PHAF1: variants seen among roughly 807,000 people sequenced by gnomAD.
PHAF1 encodes phagophore assembly factor 1, also known as phagosome assembly factor 1.
PHAF1 carries 23 observed loss-of-function variants against 63.1 expected under a neutral mutation model. That is an observed-to-expected ratio of 0.36 (90% confidence interval 0.26 to 0.52). The LOEUF (loss-of-function observed/expected upper bound fraction) is 0.52, where lower values mean the gene tolerates loss of function less well. PHAF1 is among the 20% of genes least tolerant of loss of function. The pLI is 0.93. For missense variants in PHAF1, 427 were observed against 517.2 expected (o/e 0.83, Z 1.69); for synonymous variants, 167 against 185.0 (o/e 0.90, Z 0.79).
chr16:67,135,580 G>T (rs1470660085), intron 8 of PHAF1: 1 of 152,042 alleles, frequency 6.6e-6, no homozygotes, highest in African/African-American at 2.4e-5. Context: ...CTGGGCTCAA[G>T]TGATCTCACC....
chr16:67,115,901 C>G (rs1423778006), intron 1 of PHAF1, among the ~76,000 whole-genome samples: 1 of 152,084 alleles, frequency 6.6e-6, no homozygotes, highest in East Asian at 1.9e-4. Context: ...GTCTATAATC[C>G]CAGCATTTTG....
At chr16:67,128,323 G>T (rs1963266703) in intron 3 of PHAF1, among the ~76,000 whole-genome samples, 1 of 152,174 alleles carries the variant, frequency 6.6e-6, no homozygotes, top group South Asian at 2.1e-4. Context: ...AATCAAACCG[G>T]CAATCCTCTT....
At chr16:67,144,747 C>A in intron 11 of PHAF1, 87 bp from the exon 12 acceptor site, 1 of 1,452,228 alleles carries the variant, frequency 6.9e-7, no homozygotes, top group Non-Finnish European at 9.6e-7. Flanking sequence ...GTGTTTGGTT[C>A]TGTTTCTCCT....
chr16:67,125,344 A>G (rs545120026), intron 2 of PHAF1, among the ~76,000 whole-genome samples: 2 of 152,190 alleles, frequency 1.3e-5, no homozygotes, highest in Non-Finnish European at 2.9e-5. Context: ...AGGAAGAAGC[A>G]CAAATGAAAT....
chr16:67,146,792 G>T (rs1201127061), intron 15 of PHAF1, among the ~76,000 whole-genome samples: 2 of 152,170 alleles, frequency 1.3e-5, no homozygotes, highest in African/African-American at 2.4e-5. Context: ...TGTGGATGCA[G>T]TATCTCCAGC....
intron 9 of PHAF1, among the ~76,000 whole-genome samples, 183 bp downstream of exon 9, chr16:67,140,300 C>T (rs1189854098): frequency 6.6e-6 from 1 of 152,196 alleles, no homozygotes; most frequent in Non-Finnish European, 1.5e-5. Flanking sequence ...CTCCATAGTG[C>T]CTACCTTTCC....
chr16:67,121,976 C>T (rs996159661), intron 2 of PHAF1, among the ~76,000 whole-genome samples: 1 of 152,170 alleles, frequency 6.6e-6, no homozygotes, highest in Non-Finnish European at 1.5e-5. Context: ...CAACTCACTG[C>T]AGCCTCAATC....
intron 1 of PHAF1, among the ~76,000 whole-genome samples, chr16:67,118,173 C>T (rs1962822145): frequency 7.0e-6 from 1 of 142,500 alleles, no homozygotes; most frequent in Non-Finnish European, 1.5e-5. Flanking sequence ...TGGGCTTTCA[C>T]CATGTTAGCC....
intron 5 of PHAF1, 21 bp from the exon 6 acceptor site, chr16:67,132,793 TTTC>T: frequency 6.4e-7 from 1 of 1,574,066 alleles, no homozygotes; most frequent in Non-Finnish European, 8.7e-7. Flanking sequence ...ACCATGTTAT[TTTC>T]TTCTCCCCCA....
intron 6 of PHAF1, 135 bp downstream of exon 6, chr16:67,133,046 A>G (rs1484201218): frequency 2.7e-6 from 2 of 746,040 alleles, no homozygotes; most frequent in Non-Finnish European, 2.3e-6. Flanking sequence ...TTTGAGCTCT[A>G]CAGGGTAAAG....
At chr16:67,133,320 A>G (rs1459033746) in intron 6 of PHAF1, among the ~76,000 whole-genome samples, 1 of 152,056 alleles carries the variant, frequency 6.6e-6, no homozygotes, top group Non-Finnish European at 1.5e-5. Flanking sequence ...CATAAGACTT[A>G]TTTTAATTAA....
intron 1 of PHAF1, among the ~76,000 whole-genome samples, chr16:67,111,349 C>G (rs1962509379): frequency 6.6e-6 from 1 of 152,152 alleles, no homozygotes; most frequent in African/African-American, 2.4e-5. Flanking sequence ...TTCAGTAACC[C>G]CTGTGTGTTT....
chr16:67,120,036 C>T, intron 1 of PHAF1, 76 bp from the exon 2 acceptor site: 3 of 1,250,730 alleles, frequency 2.4e-6, no homozygotes, highest in Non-Finnish European at 3.5e-6. Context: ...ACTGCAGGGA[C>T]CAGTGCCTAG....
rs1054550338 is a variant in PHAF1 at position 67,118,331 on chromosome 16, C to CTTT, written c.65-1760_65-1758dup. On this transcript the variant is annotated intron_variant, in intron 1 of 15. Transcript: ENST00000219139. ...GAGCCACCGTACCCTGCCCCTGTTG[C>CTTT]TTTTTTTTTTTTTTTTTTTTTTTGA... 2.8e-3 allele frequency among the ~76,000 whole-genome samples: 212 copies of CTTT among 76,592 alleles called. 5 individuals carry two copies. The highest frequency in any genetic ancestry group is 4.0e-3 in the African/African-American group (63 of 15,644). 50.2% of individuals were successfully genotyped at this position (76,592 alleles called of 152,430 possible). A position where few individuals can be genotyped will look rare whatever the true frequency, so the allele number is the denominator to read the frequency against.
chr16:67,138,504 C>A (rs1963687732), intron 8 of PHAF1, among the ~76,000 whole-genome samples: 1 of 151,862 alleles, frequency 6.6e-6, no homozygotes, highest in African/African-American at 2.4e-5. Flanking sequence ...TTCTCAGATT[C>A]TTGGCTTCCT....
chr16:67,126,587 T>C (rs1323700611), intron 3 of PHAF1, among the ~76,000 whole-genome samples: 3 of 150,522 alleles, frequency 2.0e-5, no homozygotes, highest in Non-Finnish European at 4.4e-5. Flanking sequence ...TCTTTGTTTT[T>C]GTTTTTGGTT....
Position 67,131,808 on chromosome 16 carries a change from C to T in PHAF1, c.275+479C>T, listed in dbSNP as rs762087748. Among the ~76,000 whole-genome samples the T allele has an allele frequency of 5.9e-5, 9 of 152,228 alleles. No individual in the cohort carries two copies. The East Asian group carries it at 7.7e-4, about 13-fold the overall frequency. On this transcript the variant is annotated intron_variant, in intron 4 of 15. Transcript: ENST00000219139. ...TGACATGCACAGTCCAAAGTTGTTG[C>T]GCCCCCATTATGGCAAGGCAGCATG...
chr16:67,117,293 C>A (rs1962778811), intron 1 of PHAF1, among the ~76,000 whole-genome samples: 1 of 148,482 alleles, frequency 6.7e-6, no homozygotes, highest in Admixed American at 6.7e-5. Context: ...TCGTGATCCG[C>A]CTGCCTCGGC....
chr16:67,114,492 T>A (rs1159800064), intron 1 of PHAF1, among the ~76,000 whole-genome samples: 3 of 151,138 alleles, frequency 2.0e-5, no homozygotes, highest in Non-Finnish European at 2.9e-5. Flanking sequence ...GGACTTGACC[T>A]GACCTAGGGG....
Sources: gnomAD v4.1 joint callset for allele counts (sites outside exome capture counted in the v4.1 genomes callset) on GRCh38, gnomAD v4.1.1 for gene constraint, MANE v1.5 for transcripts, NCBI Gene and HGNC (gene_info 2026-07-23, HGNC 2026-07-21) for gene names.